GABRG3: variants seen among roughly 807,000 people sequenced by gnomAD.
The protein encoded by GABRG3 is gamma-aminobutyric acid receptor subunit gamma-3.
In GABRG3, 25 loss-of-function variants were observed where a neutral mutation model predicts 48.8. The ratio of observed to expected loss-of-function variants is 0.51; its 90% CI spans 0.37 to 0.72. The LOEUF (loss-of-function observed/expected upper bound fraction) is 0.72. Ranked by LOEUF, GABRG3 falls within the 30% of genes least tolerant of loss-of-function variation. GABRG3 has a pLI of 0.00. For missense variants in GABRG3, 394 were observed against 577.9 expected (o/e 0.68, Z 3.26); for synonymous variants, 227 against 217.6 (o/e 1.04, Z -0.38).
At chr15:27,286,619 T>G (rs1221314540) in intron 3 of GABRG3, among the ~76,000 whole-genome samples, 1 of 152,230 alleles carries the variant, frequency 6.6e-6, no homozygotes, top group Non-Finnish European at 1.5e-5. Flanking sequence ...TGGTACAATT[T>G]GTATTTATAG....
intron 3 of GABRG3, among the ~76,000 whole-genome samples, chr15:27,238,455 G>A (rs1890041854): frequency 1.3e-5 from 2 of 152,222 alleles, no homozygotes; most frequent in South Asian, 2.1e-4. Flanking sequence ...AGGCCACCGC[G>A]GGAGGCCCTG....
At position 26,980,009 on chromosome 15, in the gene GABRG3, A is replaced by C. The variant is rs150870876; in HGVS notation, c.202+2859A>C. On this transcript the variant is annotated intron_variant, in intron 2 of 9. Transcript: ENST00000615808. ...TGGGAGTTATTTCATTTCCTTAATA[A>C]GTCTATTCAAATTATCACTTTCATA... is the stretch of plus-strand genomic sequence containing the variant. 1.1e-3 allele frequency among the ~76,000 whole-genome samples: 163 copies of C among 152,044 alleles called. 1 individual carries two copies. The highest frequency in any genetic ancestry group is 3.9e-3 in the African/African-American group (161 of 41,476).
chr15:27,012,103 T>C (rs1895699975), intron 2 of GABRG3, among the ~76,000 whole-genome samples: 1 of 152,216 alleles, frequency 6.6e-6, no homozygotes, highest in South Asian at 2.1e-4. Flanking sequence ...GCAGATCAGA[T>C]GGAGATGAAT....
chr15:27,445,590 A>G (rs1034685567), intron 5 of GABRG3, among the ~76,000 whole-genome samples: 2 of 152,218 alleles, frequency 1.3e-5, no homozygotes, highest in Non-Finnish European at 2.9e-5. Context: ...GAAGTCCCTT[A>G]TCAGATTATG....
At chr15:27,131,452 G>T (rs1038693360) in intron 3 of GABRG3, among the ~76,000 whole-genome samples, 1 of 151,860 alleles carries the variant, frequency 6.6e-6, no homozygotes, top group African/African-American at 2.4e-5. Flanking sequence ...TTTCATTCAG[G>T]ATTCTTGTAT....
In GABRG3 at chr15:27,538,967, T is replaced by C. The variant is rs1389997039; in HGVS notation, c.*6086T>C. ...ATTGCAGTCCCCAAGATGTCAGTCT[T>C]CTCAAAATGACAACATTGTCACTAA... On this transcript the variant is annotated 3_prime_UTR_variant, in exon 10 of 10. Coordinates refer to ENST00000615808, the MANE Select transcript of GABRG3 (RefSeq NM_033223.5). 2 of 152,192 alleles carry C rather than the reference T, an allele frequency of 1.3e-5. No homozygotes were observed. Among genetic ancestry groups the C allele is most frequent in the African/African-American group, 4.8e-5 (2 of 41,448 alleles). 9.4% of individuals were successfully genotyped at this position (152,192 alleles called of 1,614,324 possible).
intron 5 of GABRG3, among the ~76,000 whole-genome samples, chr15:27,355,483 G>A (rs1483650635): frequency 2.0e-5 from 3 of 152,196 alleles, no homozygotes; most frequent in Admixed American, 1.3e-4. Context: ...ATAACAACAA[G>A]TGTTGGTGAT....
chr15:27,383,314 A>C (rs1895831539), intron 5 of GABRG3, among the ~76,000 whole-genome samples: 1 of 152,192 alleles, frequency 6.6e-6, no homozygotes, highest in Admixed American at 6.5e-5. Flanking sequence ...ACCAAAGGCC[A>C]TTCTTTCGCT....
rs10580180 is a variant in GABRG3 at position 27,186,015 on chromosome 15, C to CT, written c.271-140777dup. 5.5e-3 allele frequency among the ~76,000 whole-genome samples: 720 copies of CT among 131,294 alleles called. 2 individuals are homozygous for CT. Among genetic ancestry groups the CT allele is most frequent in the African/African-American group, 0.014 (510 of 35,778 alleles). The allele number at this position is 131,294 out of a possible 152,430, so 86.1% of individuals were successfully genotyped here. On this transcript the variant is annotated intron_variant, in intron 3 of 9. Transcript: ENST00000615808. The stretch of plus-strand genomic sequence containing the variant: ...TGTCTTTTAAATGTTGTATTTAAAT[C>CT]TTTTTTTTTTTTTTTTTCAAATTTT...
chr15:27,087,955 G>A (rs1221159909), intron 3 of GABRG3, among the ~76,000 whole-genome samples: 2 of 150,380 alleles, frequency 1.3e-5, no homozygotes, highest in Admixed American at 1.3e-4. Context: ...TGTGTGGTGT[G>A]TGCTGTGGAG....
chr15:27,507,232 C>T (rs566469097), intron 6 of GABRG3, among the ~76,000 whole-genome samples: 24 of 152,204 alleles, frequency 1.6e-4, no homozygotes, highest in African/African-American at 4.8e-4. Flanking sequence ...TGGCCCAGCA[C>T]GATGGCTCAC....
chr15:27,488,002 C>T (rs549382674), intron 6 of GABRG3, among the ~76,000 whole-genome samples: 8 of 152,284 alleles, frequency 5.3e-5, no homozygotes, highest in African/African-American at 1.7e-4. Context: ...CCTGTAGCCT[C>T]GAGATAGCTG....
chr15:27,361,919 T>C (rs1418620110), intron 5 of GABRG3, among the ~76,000 whole-genome samples: 1 of 152,210 alleles, frequency 6.6e-6, no homozygotes, highest in African/African-American at 2.4e-5. Context: ...TGATGTTCAA[T>C]AGTCCCTTTA....
At chr15:27,043,779 A>G (rs1490939391) in intron 3 of GABRG3, among the ~76,000 whole-genome samples, 1 of 152,164 alleles carries the variant, frequency 6.6e-6, no homozygotes, top group Non-Finnish European at 1.5e-5. Context: ...TTTACCTCGC[A>G]GTTTATATGG....
chr15:27,021,411 G>GC (rs1400877713), intron 2 of GABRG3, among the ~76,000 whole-genome samples: 1 of 152,180 alleles, frequency 6.6e-6, no homozygotes, highest in Non-Finnish European at 1.5e-5. Flanking sequence ...TGTTGAGGGT[G>GC]CTAAAAGGTG....
At position 27,491,409 on chromosome 15, in the gene GABRG3, T is replaced by C. The variant is rs753083768; in HGVS notation, c.712+10622T>C. ...CCCAGTCCAGTCCTGGCTAGGGTTT[T>C]CCTCGTAATCACAACTCAAAGTTTA... On this transcript the variant is annotated intron_variant, in intron 6 of 9. Coordinates refer to ENST00000615808, the MANE Select transcript of GABRG3 (RefSeq NM_033223.5). Among the ~76,000 whole-genome samples the C allele has an allele frequency of 2.0e-5, 3 of 152,344 alleles. No homozygotes were observed. The South Asian group carries it at 6.2e-4, about 32-fold the overall frequency.
At chr15:27,196,444 T>A (rs1888498965) in intron 3 of GABRG3, among the ~76,000 whole-genome samples, 1 of 152,174 alleles carries the variant, frequency 6.6e-6, no homozygotes, top group Non-Finnish European at 1.5e-5. Flanking sequence ...ATTTCTTTGC[T>A]TAAAATGCCG....
chr15:27,162,773 G>T (rs980637822), intron 3 of GABRG3, among the ~76,000 whole-genome samples: 44 of 152,098 alleles, frequency 2.9e-4, no homozygotes, highest in African/African-American at 1.0e-3. Context: ...AGGTATGAGG[G>T]TTCTGCATTC....
chr15:27,167,562 A>G (rs1887420400), intron 3 of GABRG3, among the ~76,000 whole-genome samples: 1 of 152,228 alleles, frequency 6.6e-6, no homozygotes, highest in South Asian at 2.1e-4. Flanking sequence ...TTTAAAAATA[A>G]CATAAATCCC....
Sources: gnomAD v4.1 joint callset for allele counts (sites outside exome capture counted in the v4.1 genomes callset) on GRCh38, gnomAD v4.1.1 for gene constraint, MANE v1.5 for transcripts, NCBI Gene and HGNC (gene_info 2026-07-23, HGNC 2026-07-21) for gene names.